Variants in LRRFIP2 observed in about 807,000 individuals in gnomAD.
LRRFIP2 encodes the protein LRR binding FLII interacting protein 2, also known as leucine-rich repeat flightless-interacting protein 2.
In LRRFIP2, 109 loss-of-function variants were observed where a neutral mutation model predicts 125.9. The observed-to-expected ratio is 0.87, with a 90% CI of 0.74 to 1.01. LRRFIP2 has a LOEUF of 1.01. Among genes scored for constraint, LRRFIP2 ranks in the 50% least tolerant of loss-of-function variants. The probability of loss-of-function intolerance (pLI) is 0.00; values close to 1 mark genes in which losing one functional copy is unlikely to be tolerated. For synonymous variants in LRRFIP2, 291 were observed against 293.1 expected (o/e 0.99, Z 0.07); for missense variants, 850 against 862.3 (o/e 0.99, Z 0.18).
intron 23 of LRRFIP2, 62 bp downstream of exon 23, chr3:37,065,748 A>G: frequency 6.2e-7 from 1 of 1,610,388 alleles, no homozygotes; most frequent in African/African-American, 1.3e-5. Context: ...CTGGGATATG[A>G]AAAAGCAGAA....
At chr3:37,126,361 A>G (rs946528005) in intron 4 of LRRFIP2, among the ~76,000 whole-genome samples, 3 of 152,108 alleles carry the variant, frequency 2.0e-5, no homozygotes, top group African/African-American at 7.2e-5. Flanking sequence ...GGTAAAAGCA[A>G]GTGTCAGAAC....
Position 37,054,711 on chromosome 3 carries a change from G to A in LRRFIP2, c.1951-196C>T, listed in dbSNP as rs59936719. Among the ~76,000 whole-genome samples, 165 of 152,334 alleles carry A rather than the reference G, an allele frequency of 1.1e-3. 1 individual carries two copies. The highest frequency in any genetic ancestry group is 3.9e-3 in the African/African-American group (161 of 41,584). On this transcript the variant is annotated intron_variant, in intron 26 of 27. Coordinates refer to ENST00000336686, the MANE Select transcript of LRRFIP2 (RefSeq NM_006309.4). Reference sequence around the variant, plus strand: ...AATGTCCCCAGAGAGGATTACAGCTGTAGAGTCATTTTAGGGCCAATTTCC... The same window carrying A: ...AATGTCCCCAGAGAGGATTACAGCTATAGAGTCATTTTAGGGCCAATTTCC...
At chr3:37,169,095 A>G in intron 1 of LRRFIP2, among the ~76,000 whole-genome samples, 1 of 152,198 alleles carries the variant, frequency 6.6e-6, no homozygotes, top group East Asian at 1.9e-4. Flanking sequence ...AGACTATACC[A>G]TATAGTCTAG....
At chr3:37,100,505 A>AACAGGGGTT (rs1453353504) in intron 15 of LRRFIP2, among the ~76,000 whole-genome samples, 1 of 148,650 alleles carries the variant, frequency 6.7e-6, no homozygotes, top group East Asian at 1.9e-4. Context: ...ACTATAAAAT[A>AACAGGGGTT]ACAGGGGTTA....
At chr3:37,085,388 G>C (rs1475689780) in intron 18 of LRRFIP2, among the ~76,000 whole-genome samples, 1 of 151,536 alleles carries the variant, frequency 6.6e-6, no homozygotes, top group African/African-American at 2.4e-5. Context: ...GGGCATGGTG[G>C]TGGGTGCCTG....
intron 2 of LRRFIP2, among the ~76,000 whole-genome samples, chr3:37,148,346 G>A (rs2095912743): frequency 6.6e-6 from 1 of 152,156 alleles, no homozygotes; most frequent in Admixed American, 6.5e-5. Context: ...AAAAGGAAAA[G>A]AAAAGCACTT....
chr3:37,142,968 G>A (rs2095752021), intron 2 of LRRFIP2, among the ~76,000 whole-genome samples: 1 of 152,118 alleles, frequency 6.6e-6, no homozygotes, highest in Non-Finnish European at 1.5e-5. Context: ...TCATCGGGGT[G>A]GATCCCTCAC....
intron 15 of LRRFIP2, among the ~76,000 whole-genome samples, chr3:37,102,569 G>A (rs2094121569): frequency 6.7e-6 from 1 of 149,462 alleles, no homozygotes; most frequent in East Asian, 1.9e-4. Flanking sequence ...TGTGGTCTCG[G>A]CTCACTGCAA....
chr3:37,164,335 T>C (rs2096421137), intron 1 of LRRFIP2, among the ~76,000 whole-genome samples: 1 of 152,090 alleles, frequency 6.6e-6, no homozygotes, highest in Non-Finnish European at 1.5e-5. Context: ...GATGAAATAG[T>C]GAAGAAATAC....
chr3:37,148,757 G>T, intron 2 of LRRFIP2, 137 bp downstream of exon 2: 1 of 783,164 alleles, frequency 1.3e-6, no homozygotes, highest in South Asian at 2.1e-5. Flanking sequence ...CACTATTTTA[G>T]AGACTAGCTA....
At position 37,065,949 on chromosome 3, in the gene LRRFIP2, G is replaced by C. The variant is rs536645097; in HGVS notation, c.1567-7C>G. 2 of 1,613,926 alleles carry C rather than the reference G, an allele frequency of 1.2e-6. No individual in the cohort carries two copies. The highest frequency in any genetic ancestry group is 1.7e-6 in the Non-Finnish European group (2 of 1,179,966). On this transcript the variant is annotated splice_region_variant and splice_polypyrimidine_tract_variant and intron_variant, in intron 22 of 27. Transcript: ENST00000336686. ...TTATAACTAAGCCATGTTTCTGCAG[G>C]GGGGAAAAACCCACCATCACAAAAG... is the stretch of plus-strand genomic sequence containing the variant.
At chr3:37,147,960 T>C (rs1395618917) in intron 2 of LRRFIP2, among the ~76,000 whole-genome samples, 1 of 152,166 alleles carries the variant, frequency 6.6e-6, no homozygotes, top group Non-Finnish European at 1.5e-5. Context: ...GAAGTTCTGT[T>C]ACCAGCTAAC....
At chr3:37,131,234 T>C (rs1309915670) in intron 2 of LRRFIP2, among the ~76,000 whole-genome samples, 7 of 152,190 alleles carry the variant, frequency 4.6e-5, no homozygotes, top group African/African-American at 4.8e-5. Flanking sequence ...TTGTGTTCTG[T>C]TACGCCTCTC....
Position 37,083,628 on chromosome 3 carries a change from A to C in LRRFIP2, c.1278+8T>G. 1 of 1,544,498 alleles carries C rather than the reference A, an allele frequency of 6.5e-7. No homozygotes were observed. Among genetic ancestry groups the C allele is most frequent in the Non-Finnish European group, 8.7e-7 (1 of 1,153,776 alleles). Reference sequence around the variant, plus strand: ...CTGCCCCAAGAGAAAATACAAGATAAGCATTACCTTTGATTTTTCTTCATT... The same window carrying C: ...CTGCCCCAAGAGAAAATACAAGATACGCATTACCTTTGATTTTTCTTCATT... On this transcript the variant is annotated splice_region_variant and intron_variant, in intron 19 of 27. Coordinates refer to ENST00000336686, the MANE Select transcript of LRRFIP2 (RefSeq NM_006309.4).
At position 37,089,941 on chromosome 3, in the gene LRRFIP2, C is replaced by G. The variant is rs149635527; in HGVS notation, c.1107+1526G>C. Reference sequence around the variant, plus strand: ...AATTCTTCTGATATTTACTGACAAACTCATGCTGCCCTATCAGCAACTTGC... The same window carrying G: ...AATTCTTCTGATATTTACTGACAAAGTCATGCTGCCCTATCAGCAACTTGC... On this transcript the variant is annotated intron_variant, in intron 18 of 27. Coordinates refer to ENST00000336686, the MANE Select transcript of LRRFIP2 (RefSeq NM_006309.4). Among the ~76,000 whole-genome samples, 1,219 of 152,284 alleles carry G rather than the reference C, an allele frequency of 8.0e-3. 15 individuals are homozygous for G. The highest frequency in any genetic ancestry group is 9.5e-3 in the South Asian group (46 of 4,824).
intron 17 of LRRFIP2, among the ~76,000 whole-genome samples, chr3:37,092,362 G>T (rs11915301): frequency 2.0e-5 from 3 of 151,898 alleles, no homozygotes; most frequent in African/African-American, 7.3e-5. Context: ...ACACATTTTT[G>T]GTATTATATT....
chr3:37,149,998 C>T (rs1253599348), intron 1 of LRRFIP2, among the ~76,000 whole-genome samples: 2 of 150,564 alleles, frequency 1.3e-5, no homozygotes, highest in African/African-American at 2.4e-5. Context: ...GAGACTCCAC[C>T]TCAAAAAAAA....
At chr3:37,066,007 ACT>A (rs2090069558) in intron 22 of LRRFIP2, 65 bp from the exon 23 acceptor site, 6 of 1,594,088 alleles carry the variant, frequency 3.8e-6, no homozygotes, top group Admixed American at 1.7e-5. Flanking sequence ...CTGTGAGGTC[ACT>A]CTGCAACAAT....
At chr3:37,159,989 C>CCA (rs2096291955) in intron 1 of LRRFIP2, among the ~76,000 whole-genome samples, 1 of 46,940 alleles carries the variant, frequency 2.1e-5, no homozygotes, top group African/African-American at 7.7e-5. Context: ...GCCCTATGCG[C>CCA]AAAAAAAAAA....
Sources: gnomAD v4.1 joint callset for allele counts (sites outside exome capture counted in the v4.1 genomes callset) on GRCh38, gnomAD v4.1.1 for gene constraint, MANE v1.5 for transcripts, NCBI Gene and HGNC (gene_info 2026-07-23, HGNC 2026-07-21) for gene names.